Variants in CSF2RA observed in about 807,000 individuals in gnomAD.
The protein encoded by CSF2RA is granulocyte-macrophage colony-stimulating factor receptor subunit alpha.
In CSF2RA, 42 loss-of-function variants were observed where a neutral mutation model predicts 51.6. The ratio of observed to expected loss-of-function variants is 0.81; its 90% CI spans 0.64 to 1.05. The LOEUF is 1.05. CSF2RA is among the 50% of genes least tolerant of loss of function. CSF2RA has a pLI of 0.00. For synonymous variants in CSF2RA, 222 were observed against 193.0 expected (o/e 1.15, Z -1.24); for missense variants, 530 against 501.1 (o/e 1.06, Z -0.55).
intron 2 of CSF2RA, among the ~76,000 whole-genome samples, chrX:1,280,655 CTCTTCCTCCTCT>C: frequency 6.7e-6 from 1 of 148,326 alleles, no homozygotes. Flanking sequence ...CCCCTTCCTC[CTCTTCCTCCTCT>C]TCCTCCTCCT....
intron 4 of CSF2RA, among the ~76,000 whole-genome samples, chrX:1,287,817 A>G (rs1286865867): frequency 2.2e-5 from 3 of 135,676 alleles, no homozygotes; most frequent in African/African-American, 8.4e-5. Flanking sequence ...GCTCACTGCA[A>G]CCTGTGCCTC....
At chrX:1,277,735 G>C (rs2089371057) in intron 2 of CSF2RA, among the ~76,000 whole-genome samples, 1 of 150,742 alleles carries the variant, frequency 6.6e-6, no homozygotes, top group African/African-American at 2.4e-5. Flanking sequence ...CCAGCACTTT[G>C]GGAGGTGGAG....
the CSF2RA span, among the ~76,000 whole-genome samples, chrX:1,323,094 A>C: frequency 0.019 from 2,876 of 151,724 alleles, 84 homozygotes; most frequent in African/African-American, 0.066. Flanking sequence ...GCGCCACCGC[A>C]CTCCAGCCTG....
chrX:1,277,535 G>A (rs28464720), intron 2 of CSF2RA, among the ~76,000 whole-genome samples: 30,282 of 135,588 alleles, frequency 0.22, 3,851 homozygotes, highest in East Asian at 0.32. Context: ...GGCGATGCTT[G>A]CAGTGAGTGG....
chrX:1,305,446 G>T lies in CSF2RA; in HGVS notation c.1044G>T (p.Arg348Ser), dbSNP rs1328077492. The T allele has an allele frequency of 4.3e-6, 7 of 1,613,824 alleles. No individual in the cohort carries two copies. In the Admixed American group the frequency reaches 1.0e-4, roughly 23 times the overall value. The change falls in exon 12 of 13, where the codon AGG becomes AGT. Residue 348 changes from arginine to serine, a missense_variant and splice_region_variant. Coordinates refer to ENST00000381529, the MANE Select transcript of CSF2RA (RefSeq NM_172245.4). Reference protein sequence around the residue: ...CGIVLGFLFKRFLRIQRLFPP... With the variant: ...CGIVLGFLFKSFLRIQRLFPP... ...TTCACACTTTTTCTCTGTGTCTCAG[G>T]TTCCTTAGGATACAGCGGCTGTTCC... is the stretch of plus-strand genomic sequence containing the variant.
At chrX:1,274,137 A>T (rs1467891028) in intron 1 of CSF2RA, among the ~76,000 whole-genome samples, 3 of 152,116 alleles carry the variant, frequency 2.0e-5, no homozygotes, top group Non-Finnish European at 2.9e-5. Flanking sequence ...AAGATGTTGC[A>T]TAATTTTCCG....
Position 1,290,494 on chromosome X carries a change from G to T in CSF2RA, c.631G>T (p.Asp211Tyr). 1 of 1,613,730 alleles carries T rather than the reference G, an allele frequency of 6.2e-7. No homozygotes were observed. The highest frequency in any genetic ancestry group is 8.5e-7 in the Non-Finnish European group (1 of 1,179,778). The change falls in exon 7 of 13, where the codon GAC becomes TAC. Residue 211 changes from aspartate to tyrosine, a missense_variant. Physicochemically the swap from Asp to Tyr is radical, Grantham distance 160. Transcript: ENST00000381529. ...CATCCAATTCTTTGATTCACTTTTG[G>T]ACACAAAGAAAATAGGTGAGAATAA... ...IGIQFFDSLL[D>Y]TKKIERFNPP...
intron 12 of CSF2RA, among the ~76,000 whole-genome samples, chrX:1,307,688 A>G (rs1319846562): frequency 7.2e-6 from 1 of 139,716 alleles, no homozygotes; most frequent in African/African-American, 2.7e-5. Flanking sequence ...CCTTCGACTG[A>G]TTAGATGAGG....
chrX:1,324,015 A>G, the CSF2RA span, among the ~76,000 whole-genome samples: 6 of 51,664 alleles, frequency 1.2e-4, no homozygotes, highest in Admixed American at 1.5e-3. Flanking sequence ...CTCCGTCTCA[A>G]AAAAAAAAAA....
Position 1,293,237 on chromosome X carries a change from C to A in CSF2RA, c.647-1091C>A, listed in dbSNP as rs1407472086. On this transcript the variant is annotated intron_variant, in intron 7 of 12. Coordinates refer to ENST00000381529, the MANE Select transcript of CSF2RA (RefSeq NM_172245.4). ...TGTTTGTTTGTTTGTTTTTCTGAGA[C>A]AGAGTCTCACTCTGTCGCCCACCCA... Among the ~76,000 whole-genome samples, 3 of 151,762 alleles carry A rather than the reference C, an allele frequency of 2.0e-5. No homozygotes were observed. The East Asian group carries it at 5.8e-4, about 29-fold the overall frequency.
chrX:1,321,444 G>C, the CSF2RA span, among the ~76,000 whole-genome samples: 1 of 151,942 alleles, frequency 6.6e-6, no homozygotes, highest in East Asian at 2.0e-4. Context: ...ACTCCAGCCT[G>C]GGTGACAGAG....
intron 9 of CSF2RA, 90 bp downstream of exon 9, chrX:1,295,546 A>C: frequency 1.0e-6 from 1 of 982,936 alleles, no homozygotes; most frequent in Non-Finnish European, 1.6e-6. Flanking sequence ...ACAGTCCCCT[A>C]CTCATGACCC....
chrX:1,284,195 CTTTTTTT>C (rs752104115), intron 3 of CSF2RA, among the ~76,000 whole-genome samples: 7 of 91,782 alleles, frequency 7.6e-5, no homozygotes, highest in East Asian at 4.1e-4. Flanking sequence ...CTCTGTCTCT[CTTTTTTT>C]TTTTTTTTTT....
rs1276310351 is a variant in CSF2RA at position 1,290,374 on chromosome X, G to T, written c.511G>T (p.Asp171Tyr). Residue 171 changes from aspartate to tyrosine, a missense_variant, in exon 7 of 13, where the codon GAC becomes TAC. Coordinates refer to ENST00000381529, the MANE Select transcript of CSF2RA (RefSeq NM_172245.4). ...GATCCGGTGTCCTTATTACATACAA[G>T]ACTCAGGAACCCATGTGGGATGTCA... ...REIRCPYYIQDSGTHVGCHLD... is the reference protein window; with the variant it reads ...REIRCPYYIQYSGTHVGCHLD... The T allele has an allele frequency of 6.2e-7, 1 of 1,613,658 alleles. No homozygotes were observed. Among genetic ancestry groups the T allele is most frequent in the Admixed American group, 1.7e-5 (1 of 59,962 alleles).
intron 12 of CSF2RA, among the ~76,000 whole-genome samples, chrX:1,308,244 C>G (rs1341711487): frequency 6.6e-6 from 1 of 152,036 alleles, no homozygotes; most frequent in Admixed American, 6.6e-5. Context: ...CACGGGGACA[C>G]GTCATTGGTG....
chrX:1,299,447 C>A (rs182577900), intron 9 of CSF2RA, among the ~76,000 whole-genome samples: 10 of 152,186 alleles, frequency 6.6e-5, no homozygotes, highest in Admixed American at 4.6e-4. Context: ...ATTTTTGAGA[C>A]GGAGTCTCGC....
chrX:1,304,494 G>C (rs1227662405), intron 11 of CSF2RA, among the ~76,000 whole-genome samples: 1 of 151,142 alleles, frequency 6.6e-6, no homozygotes, highest in African/African-American at 2.4e-5. Context: ...TCAGCCCCTC[G>C]GGCACAGGGA....
downstream of CSF2RA, among the ~76,000 whole-genome samples, chrX:1,314,452 G>GCCCAACCC (rs1668312566): frequency 2.2e-5 from 1 of 44,680 alleles, no homozygotes; most frequent in African/African-American, 1.2e-4. Flanking sequence ...TTGCCCAATT[G>GCCCAACCC]CACTGCACCT....
rs775214557 is a variant in CSF2RA at position 1,302,456 on chromosome X, G to A, written c.947-1467G>A. 1.2e-3 allele frequency among the ~76,000 whole-genome samples: 180 copies of A among 152,212 alleles called. 1 individual carries two copies. Among genetic ancestry groups the A allele is most frequent in the Middle Eastern group, 6.8e-3 (2 of 294 alleles). ...TACAGGGATGATCAGAGGTGCATTC[G>A]TGTCTGGTGGGCCGGGGTGACTGCA... On this transcript the variant is annotated intron_variant, in intron 10 of 12. Coordinates refer to ENST00000381529, the MANE Select transcript of CSF2RA (RefSeq NM_172245.4).
Sources: allele counts gnomAD v4.1 joint callset (sites outside exome capture counted in the v4.1 genomes callset), GRCh38; gene constraint gnomAD v4.1.1; transcripts MANE v1.5; gene names NCBI Gene and HGNC (gene_info 2026-07-23, HGNC 2026-07-21).